Variants in SAMD4A observed in about 807,000 individuals in gnomAD.
The protein encoded by SAMD4A is sterile alpha motif domain containing 4A.
A neutral mutation model predicts 81.3 loss-of-function variants in SAMD4A; 33 were observed. The ratio of observed to expected loss-of-function variants is 0.41; its 90% CI spans 0.31 to 0.54. SAMD4A has a LOEUF of 0.54. Ranked by LOEUF, SAMD4A falls within the 20% of genes least tolerant of loss-of-function variation. The probability of loss-of-function intolerance (pLI) is 0.37; values close to 1 mark genes in which losing one functional copy is unlikely to be tolerated. For missense variants in SAMD4A, 854 were observed against 951.1 expected, an observed-to-expected ratio of 0.90 and a Z score of 1.34; for synonymous variants, 389 against 382.1, an observed-to-expected ratio of 1.02 and a Z score of -0.21.
chr14:54,687,453 CAAA>C, intron 2 of SAMD4A: 1 of 413,880 alleles, frequency 2.4e-6, no homozygotes, highest in Non-Finnish European at 4.7e-6. Context: ...TAAAAACAAA[CAAA>C]AAAAGGCAGC....
At chr14:54,786,236 CAT>C (rs1207442479) in intron 12 of SAMD4A, among the ~76,000 whole-genome samples, 2 of 152,194 alleles carry the variant, frequency 1.3e-5, no homozygotes, top group Admixed American at 6.5e-5. Context: ...ACAAGCCAGG[CAT>C]AAAGGACCAC....
intron 4 of SAMD4A, among the ~76,000 whole-genome samples, chr14:54,738,519 T>C (rs2037756711): frequency 6.6e-6 from 1 of 152,212 alleles, no homozygotes; most frequent in African/African-American, 2.4e-5. Context: ...TTAATGCTGA[T>C]ACAAATGGGT....
At position 54,792,388 on chromosome 14, in the gene SAMD4A, C is replaced by G. The variant is rs892466480; in HGVS notation, c.*3444C>G. 1 of 152,184 alleles carries G rather than the reference C, an allele frequency of 6.6e-6. No individual in the cohort carries two copies. The allele number at this position is 152,184 out of a possible 1,614,324, so 9.4% of individuals were successfully genotyped here. A position where few individuals can be genotyped will look rare whatever the true frequency, so the allele number is the denominator to read the frequency against. On this transcript the variant is annotated 3_prime_UTR_variant, in exon 13 of 13. Transcript: ENST00000554335. ...TTGAGGTGTCCTTGGCTGCCTTTTA[C>G]GGGATGGGAGCCTTCTCCGGATCTT...
chr14:54,578,018 C>A (rs1023500208), intron 2 of SAMD4A, among the ~76,000 whole-genome samples: 1 of 152,210 alleles, frequency 6.6e-6, no homozygotes, highest in African/African-American at 2.4e-5. Flanking sequence ...CCTTTAGCAT[C>A]AAGCAGAATA....
chr14:54,747,402 G>C (rs1257438416), intron 4 of SAMD4A, among the ~76,000 whole-genome samples: 3 of 152,198 alleles, frequency 2.0e-5, no homozygotes, highest in African/African-American at 7.2e-5. Context: ...CCTAAACCTA[G>C]AGTTGGTTCA....
intron 6 of SAMD4A, among the ~76,000 whole-genome samples, chr14:54,755,940 C>G (rs908032350): frequency 6.6e-6 from 1 of 151,062 alleles, no homozygotes; most frequent in African/African-American, 2.4e-5. Context: ...CACACACACT[C>G]ATGCATTCAC....
chr14:54,623,483 C>CAAAAAAAAAAA lies in SAMD4A; in HGVS notation c.196+55391_196+55401dup, dbSNP rs59768858. ...TGTTAATAAATAACTTGGACATCAGCAAAAAAAAAAAAAAAAAAAAAAAAA... is the reference window on the plus strand; with the variant it reads ...TGTTAATAAATAACTTGGACATCAGCAAAAAAAAAAAAAAAAAAAAAAAAAAAAAAAAAAAA... On this transcript the variant is annotated intron_variant, in intron 2 of 12. Coordinates refer to ENST00000554335, the MANE Select transcript of SAMD4A (RefSeq NM_015589.6). Among the ~76,000 whole-genome samples, 34 of 45,962 alleles carry CAAAAAAAAAAA rather than the reference C, an allele frequency of 7.4e-4. 4 individuals carry two copies. The highest frequency in any genetic ancestry group is 9.8e-4 in the Non-Finnish European group (25 of 25,560). 30.2% of individuals were successfully genotyped at this position (45,962 alleles called of 152,430 possible). A position where few individuals can be genotyped will look rare whatever the true frequency, so the allele number is the denominator to read the frequency against.
intron 2 of SAMD4A, among the ~76,000 whole-genome samples, chr14:54,619,700 T>C (rs1594742391): frequency 6.6e-6 from 1 of 152,194 alleles, no homozygotes; most frequent in Admixed American, 6.5e-5. Flanking sequence ...GTCCAAGTGT[T>C]CTCATCATGT....
At chr14:54,748,945 T>C in intron 5 of SAMD4A, 21 bp downstream of exon 5, 1 of 1,520,918 alleles carries the variant, frequency 6.6e-7, no homozygotes, top group Non-Finnish European at 8.9e-7. Context: ...GAGGTGACTG[T>C]TCCCTGAGAG....
intron 7 of SAMD4A, among the ~76,000 whole-genome samples, chr14:54,761,013 A>C (rs374787731): frequency 2.6e-5 from 4 of 152,148 alleles, no homozygotes; most frequent in Non-Finnish European, 4.4e-5. Context: ...AGATGTGGCC[A>C]TGGTTTGGAG....
At chr14:54,710,318 T>A (rs2036957567) in intron 3 of SAMD4A, among the ~76,000 whole-genome samples, 1 of 152,200 alleles carries the variant, frequency 6.6e-6, no homozygotes, top group South Asian at 2.1e-4. Flanking sequence ...ACCTACATAG[T>A]GTTTACTATA....
intron 4 of SAMD4A, among the ~76,000 whole-genome samples, chr14:54,742,904 C>T (rs768694678): frequency 5.3e-5 from 8 of 152,156 alleles, no homozygotes; most frequent in Non-Finnish European, 8.8e-5. Context: ...AGGAGACTTT[C>T]GTTAGATGAA....
intron 2 of SAMD4A, among the ~76,000 whole-genome samples, chr14:54,653,616 A>T (rs2035456185): frequency 6.6e-6 from 1 of 152,102 alleles, no homozygotes; most frequent in Non-Finnish European, 1.5e-5. Context: ...CTGGGACTAC[A>T]CACATGAGCC....
chr14:54,702,001 T>C, intron 2 of SAMD4A, 61 bp from the exon 3 acceptor site: 6 of 1,534,520 alleles, frequency 3.9e-6, no homozygotes, highest in Non-Finnish European at 5.3e-6. Flanking sequence ...CTCTTTAGAG[T>C]ATCTGTTTAG....
chr14:54,764,987 G>C (rs2038498208), intron 8 of SAMD4A, among the ~76,000 whole-genome samples: 1 of 152,182 alleles, frequency 6.6e-6, no homozygotes, highest in Non-Finnish European at 1.5e-5. Context: ...TGTGTGTTTG[G>C]GCTTGCGATT....
chr14:54,577,726 G>A (rs1381618186), intron 2 of SAMD4A, among the ~76,000 whole-genome samples: 1 of 152,194 alleles, frequency 6.6e-6, no homozygotes, highest in Non-Finnish European at 1.5e-5. Flanking sequence ...GGCAGTTCTG[G>A]GTACACACTC....
chr14:54,601,712 A>G (rs890151517), intron 2 of SAMD4A, among the ~76,000 whole-genome samples: 18 of 152,338 alleles, frequency 1.2e-4, no homozygotes, highest in Admixed American at 5.2e-4. Flanking sequence ...GGAGGCTCCA[A>G]TGTTGGAATT....
intron 2 of SAMD4A, among the ~76,000 whole-genome samples, chr14:54,632,509 A>G (rs112236375): frequency 6.6e-6 from 1 of 152,240 alleles, no homozygotes; most frequent in Non-Finnish European, 1.5e-5. Context: ...GCAAACATAC[A>G]CATTTGTGTT....
At chr14:54,617,379 A>G (rs998274889) in intron 2 of SAMD4A, among the ~76,000 whole-genome samples, 1 of 152,222 alleles carries the variant, frequency 6.6e-6, no homozygotes, top group African/African-American at 2.4e-5. Flanking sequence ...TCCTATTAAT[A>G]TTGAAAGCAC....
Sources: allele counts gnomAD v4.1 joint callset (sites outside exome capture counted in the v4.1 genomes callset), GRCh38; gene constraint gnomAD v4.1.1; transcripts MANE v1.5; gene names NCBI Gene and HGNC (gene_info 2026-07-23, HGNC 2026-07-21).